The following LIMCH1 variants were observed in gnomAD, a reference collection of about 807,000 sequenced individuals.
LIMCH1 encodes LIM and calponin homology domains 1.
Under a neutral mutation model 176.5 loss-of-function variants are expected in LIMCH1, and 113 were observed. That is an observed-to-expected ratio of 0.64 (90% CI 0.55 to 0.75). The LOEUF is 0.75. Ranked by LOEUF, LIMCH1 falls within the 30% of genes least tolerant of loss-of-function variation. The pLI is 0.00. For missense variants in LIMCH1, 1,674 were observed against 1,814.9 expected, an observed-to-expected ratio of 0.92 and a Z score of 1.41; for synonymous variants, 619 against 645.9, an observed-to-expected ratio of 0.96 and a Z score of 0.63.
intron 1 of LIMCH1, among the ~76,000 whole-genome samples, chr4:41,375,661 G>C (rs551743158): frequency 1.3e-5 from 2 of 152,252 alleles, no homozygotes; most frequent in African/African-American, 2.4e-5. Context: ...GGTCCAGGGG[G>C]TGTGCAGCTC....
intron 1 of LIMCH1, among the ~76,000 whole-genome samples, chr4:41,487,804 C>T (rs1012274020): frequency 4.0e-5 from 6 of 151,674 alleles, no homozygotes; most frequent in African/African-American, 1.5e-4. Context: ...AGGCACCTGC[C>T]ACCACGCCCG....
chr4:41,558,959 A>T (rs1463309285), intron 1 of LIMCH1, among the ~76,000 whole-genome samples: 1 of 152,164 alleles, frequency 6.6e-6, no homozygotes, highest in African/African-American at 2.4e-5. Context: ...TGACTTACTA[A>T]TGCAGAAATT....
intron 1 of LIMCH1, among the ~76,000 whole-genome samples, chr4:41,467,906 A>G (rs2066381434): frequency 1.3e-5 from 2 of 152,206 alleles, no homozygotes; most frequent in Non-Finnish European, 1.5e-5. Context: ...AAGCATTGAC[A>G]CGTGCGGGAC....
chr4:41,595,126 G>A (rs1447075689), intron 1 of LIMCH1, among the ~76,000 whole-genome samples: 1 of 152,158 alleles, frequency 6.6e-6, no homozygotes, highest in Admixed American at 6.5e-5. Context: ...TGGTGCACGT[G>A]TTTTTGAATG....
At chr4:41,465,531 A>G (rs1365891228) in intron 1 of LIMCH1, among the ~76,000 whole-genome samples, 2 of 151,832 alleles carry the variant, frequency 1.3e-5, no homozygotes, top group Non-Finnish European at 2.9e-5. Context: ...ATTTTCCTCC[A>G]TTGGTTTCTT....
intron 1 of LIMCH1, among the ~76,000 whole-genome samples, chr4:41,383,601 T>C (rs2056033759): frequency 6.6e-6 from 1 of 152,162 alleles, no homozygotes; most frequent in Non-Finnish European, 1.5e-5. Context: ...TGATTTTCAA[T>C]CCTGGCTGCA....
intron 18 of LIMCH1, among the ~76,000 whole-genome samples, chr4:41,651,023 C>T (rs997803236): frequency 8.2e-6 from 1 of 121,822 alleles, no homozygotes; most frequent in South Asian, 2.4e-4. Context: ...TTTTATTTTT[C>T]GAGATGGAAA....
intron 1 of LIMCH1, chr4:41,389,290 C>T (rs1308462066): frequency 2.0e-5 from 3 of 152,398 alleles, no homozygotes; most frequent in African/African-American, 2.4e-5. Context: ...CTGAGGATTA[C>T]AGTGAAACTG....
intron 21 of LIMCH1, 99 bp from the exon 22 acceptor site, chr4:41,671,455 C>A: frequency 1.2e-6 from 1 of 826,334 alleles, no homozygotes. Flanking sequence ...TGGTTTAAAG[C>A]TGATGTAGGA....
chr4:41,567,817 A>C (rs1278205918), intron 1 of LIMCH1, among the ~76,000 whole-genome samples: 1 of 152,174 alleles, frequency 6.6e-6, no homozygotes, highest in Admixed American at 6.6e-5. Flanking sequence ...TGGCATCAGA[A>C]AAGATGATAA....
intron 1 of LIMCH1, among the ~76,000 whole-genome samples, chr4:41,467,182 C>CAA (rs1205694385): frequency 6.7e-6 from 1 of 149,922 alleles, no homozygotes; most frequent in Non-Finnish European, 1.5e-5. Context: ...CACACACACA[C>CAA]ACACACACAC....
intron 1 of LIMCH1, among the ~76,000 whole-genome samples, chr4:41,382,179 G>A (rs2055776886): frequency 6.6e-6 from 1 of 152,200 alleles, no homozygotes; most frequent in Admixed American, 6.5e-5. Context: ...GGAATAGGTA[G>A]CTAATACAGT....
chr4:41,613,591 C>T lies in LIMCH1; in HGVS notation c.135C>T (p.Ser45=). 1 of 1,614,162 alleles carries T rather than the reference C, an allele frequency of 6.2e-7. No individual in the cohort carries two copies. The highest frequency in any genetic ancestry group is 2.2e-5 in the East Asian group (1 of 44,870). ...ACGGCAGAGATGATTCCTTCGACAG[C>T]CTGGATTCCTTTGGCTCTCGCTCTC... is the stretch of plus-strand genomic sequence containing the variant. The part of the protein sequence containing the change: ...PRHGRDDSFD[S]LDSFGSRSRQ... Residue 45 remains serine, a synonymous_variant, in exon 5 of 32, where the codon AGC becomes AGT. Transcript: ENST00000503057.
chr4:41,583,259 C>G (rs2152690559), intron 1 of LIMCH1, among the ~76,000 whole-genome samples: 1 of 152,294 alleles, frequency 6.6e-6, no homozygotes, highest in Middle Eastern at 3.4e-3. Context: ...TATATCTTCC[C>G]AAACCTGAGT....
chr4:41,393,294 G>T (rs1262321715), intron 1 of LIMCH1, among the ~76,000 whole-genome samples: 4 of 152,158 alleles, frequency 2.6e-5, no homozygotes, highest in African/African-American at 4.8e-5. Context: ...GGAGGAGTGT[G>T]CTGTGTCTTT....
intron 1 of LIMCH1, among the ~76,000 whole-genome samples, chr4:41,458,080 A>G (rs949660146): frequency 1.3e-5 from 2 of 152,054 alleles, no homozygotes; most frequent in African/African-American, 4.8e-5. Context: ...GAGATGATGG[A>G]CCCCATTTAC....
At chr4:41,671,397 A>AACACACAC (rs141018823) in intron 21 of LIMCH1, among the ~76,000 whole-genome samples, 157 bp from the exon 22 acceptor site, 13,027 of 137,306 alleles carry the variant, frequency 0.095, 702 homozygotes, top group Middle Eastern at 0.19. Flanking sequence ...TGACTTACCA[A>AACACACAC]ACACACACAC....
chr4:41,527,624 A>G (rs2076795197), intron 3 of LIMCH1, among the ~76,000 whole-genome samples: 1 of 152,128 alleles, frequency 6.6e-6, no homozygotes, highest in Admixed American at 6.5e-5. Context: ...TCACGATGTC[A>G]GGAGATTGCG....
chr4:41,403,065 G>A (rs2058625403), intron 1 of LIMCH1, among the ~76,000 whole-genome samples: 1 of 151,782 alleles, frequency 6.6e-6, no homozygotes. Flanking sequence ...TTATATTGAG[G>A]ATTTTACATA....
Sources: allele counts gnomAD v4.1 joint callset (sites outside exome capture counted in the v4.1 genomes callset), GRCh38; gene constraint gnomAD v4.1.1; transcripts MANE v1.5; gene names NCBI Gene and HGNC (gene_info 2026-07-23, HGNC 2026-07-21).